PRKD1: variants seen among roughly 807,000 people sequenced by gnomAD.
PRKD1 encodes the protein protein kinase D1.
In PRKD1, 63 loss-of-function variants were observed where a neutral mutation model predicts 95.9. The ratio of observed to expected loss-of-function variants is 0.66; its 90% CI spans 0.54 to 0.81. PRKD1 has a LOEUF of 0.81. PRKD1 is among the 30% of genes least tolerant of loss of function. The pLI is 0.00. For missense variants in PRKD1, 1,048 were observed against 1,165.3 expected (o/e 0.90, Z 1.47); for synonymous variants, 425 against 423.1 (o/e 1.00, Z -0.05).
intron 4 of PRKD1, among the ~76,000 whole-genome samples, chr14:29,662,653 A>T (rs1882246988): frequency 6.6e-6 from 1 of 152,116 alleles, no homozygotes; most frequent in African/African-American, 2.4e-5. Context: ...CTGTAAAAAA[A>T]TTTTGGTGAT....
At chr14:29,750,614 G>A (rs923552248) in intron 1 of PRKD1, among the ~76,000 whole-genome samples, 7 of 112,668 alleles carry the variant, frequency 6.2e-5, no homozygotes, top group Non-Finnish European at 8.0e-5. Context: ...GCATGAACGC[G>A]CGCACACACA....
chr14:29,629,663 T>G (rs45455401), intron 10 of PRKD1, among the ~76,000 whole-genome samples: 2,801 of 152,170 alleles, frequency 0.018, 92 homozygotes, highest in African/African-American at 0.057. Flanking sequence ...AATAAATGAC[T>G]TTTTTATAGA....
chr14:29,624,680 AT>A (rs1879500336), intron 12 of PRKD1, among the ~76,000 whole-genome samples: 1 of 152,142 alleles, frequency 6.6e-6, no homozygotes. Context: ...TCTGTCACTT[AT>A]TAGCTCTGTG....
chr14:29,720,264 A>T lies in PRKD1; in HGVS notation c.403+5272T>A, dbSNP rs561712231. On this transcript the variant is annotated intron_variant, in intron 2 of 17. Transcript: ENST00000331968. Reference sequence around the variant, plus strand: ...GGTTATCCCCATTTTACAGATGAGGAAACGTGGGCACAGAATGATTACAAG... The same window carrying T: ...GGTTATCCCCATTTTACAGATGAGGTAACGTGGGCACAGAATGATTACAAG... Among the ~76,000 whole-genome samples, 6 of 152,288 alleles carry T rather than the reference A, an allele frequency of 3.9e-5. No homozygotes were observed. In the East Asian group the frequency reaches 1.2e-3, roughly 29 times the overall value.
intron 2 of PRKD1, among the ~76,000 whole-genome samples, chr14:29,717,655 T>C (rs913011726): frequency 2.6e-5 from 4 of 152,260 alleles, no homozygotes; most frequent in East Asian, 1.9e-4. Flanking sequence ...ACTATTGTTA[T>C]ATTAACATCA....
intron 2 of PRKD1, among the ~76,000 whole-genome samples, chr14:29,668,620 C>A (rs928132766): frequency 6.6e-6 from 1 of 151,950 alleles, no homozygotes; most frequent in Non-Finnish European, 1.5e-5. Flanking sequence ...AATTGTTGCA[C>A]AAATGGAGTA....
intron 2 of PRKD1, among the ~76,000 whole-genome samples, chr14:29,721,194 C>T (rs922598862): frequency 1.3e-5 from 2 of 152,220 alleles, no homozygotes; most frequent in Non-Finnish European, 2.9e-5. Context: ...TCTAATGAGG[C>T]TCCCTTCTCT....
At chr14:29,876,095 G>A in intron 1 of PRKD1, among the ~76,000 whole-genome samples, 1 of 152,200 alleles carries the variant, frequency 6.6e-6, no homozygotes, top group East Asian at 1.9e-4. Flanking sequence ...AATGGGCAGT[G>A]AGTATGCCTC....
chr14:29,785,644 G>A (rs1317467154), intron 1 of PRKD1, among the ~76,000 whole-genome samples: 4 of 149,080 alleles, frequency 2.7e-5, no homozygotes, highest in East Asian at 2.0e-4. Context: ...GACACAGGAA[G>A]GGGAACATCA....
At chr14:29,878,345 A>AAC (rs1322807133) in intron 1 of PRKD1, among the ~76,000 whole-genome samples, 8 of 150,526 alleles carry the variant, frequency 5.3e-5, no homozygotes, top group African/African-American at 2.0e-4. Context: ...TAATGACAAA[A>AAC]AAAAAAAAAA....
chr14:29,712,268 C>A (rs1373161738), intron 2 of PRKD1, among the ~76,000 whole-genome samples: 1 of 151,928 alleles, frequency 6.6e-6, no homozygotes, highest in Non-Finnish European at 1.5e-5. Flanking sequence ...ATTTTTTCCC[C>A]TAAATAGGGG....
At chr14:29,786,530 T>C (rs1157137682) in intron 1 of PRKD1, among the ~76,000 whole-genome samples, 1 of 152,164 alleles carries the variant, frequency 6.6e-6, no homozygotes, top group Non-Finnish European at 1.5e-5. Context: ...TTGCTAATGG[T>C]CTGTTCAGGT....
At chr14:29,787,966 A>C (rs1889350130) in intron 1 of PRKD1, among the ~76,000 whole-genome samples, 3 of 152,058 alleles carry the variant, frequency 2.0e-5, no homozygotes, top group Admixed American at 2.0e-4. Context: ...TGTTGTGATA[A>C]CATTTGGCTC....
At chr14:29,775,469 G>A (rs181984949) in intron 1 of PRKD1, among the ~76,000 whole-genome samples, 55 of 152,330 alleles carry the variant, frequency 3.6e-4, no homozygotes, top group Admixed American at 8.5e-4. Context: ...TTTTCCAGTG[G>A]TCTTAGCAAA....
chr14:29,820,316 T>C (rs146880884), intron 1 of PRKD1, among the ~76,000 whole-genome samples: 5 of 152,316 alleles, frequency 3.3e-5, no homozygotes, highest in Non-Finnish European at 5.9e-5. Flanking sequence ...TTAAAGGAAC[T>C]CACAGGCTAA....
At chr14:29,599,849 A>G (rs1566477255) in intron 13 of PRKD1, 32 bp from the exon 14 acceptor site, 1 of 1,586,016 alleles carries the variant, frequency 6.3e-7, no homozygotes, top group East Asian at 2.2e-5. Context: ...CTTGAAGAAA[A>G]TGAGTTTTTT....
chr14:29,691,814 A>G (rs1884252802), intron 2 of PRKD1, among the ~76,000 whole-genome samples: 1 of 152,168 alleles, frequency 6.6e-6, no homozygotes, highest in Non-Finnish European at 1.5e-5. Context: ...CTATAATTAA[A>G]ACAAAGATTC....
chr14:29,865,038 G>T (rs964161233), intron 1 of PRKD1, among the ~76,000 whole-genome samples: 2 of 152,242 alleles, frequency 1.3e-5, no homozygotes, highest in Admixed American at 1.3e-4. Context: ...CAAGTCACAT[G>T]TGCCAACAAC....
intron 1 of PRKD1, among the ~76,000 whole-genome samples, chr14:29,901,597 T>C (rs1346029932): frequency 2.0e-5 from 3 of 152,010 alleles, no homozygotes; most frequent in Non-Finnish European, 4.4e-5. Flanking sequence ...AGATACAGCA[T>C]AGTTCATTAA....
Sources: gnomAD v4.1 joint callset for allele counts (sites outside exome capture counted in the v4.1 genomes callset) on GRCh38, gnomAD v4.1.1 for gene constraint, MANE v1.5 for transcripts, NCBI Gene and HGNC (gene_info 2026-07-23, HGNC 2026-07-21) for gene names.